CELF2: variants seen among roughly 807,000 people sequenced by gnomAD.
CELF2 encodes the protein CUGBP Elav-like family member 2.
Under a neutral mutation model 62.6 loss-of-function variants are expected in CELF2, and 8 were observed. The observed-to-expected ratio is 0.13, with a 90% CI of 0.07 to 0.23. CELF2 has a LOEUF of 0.23. CELF2 is among the 10% of genes least tolerant of loss of function. The pLI is 1.00. For missense variants in CELF2, 333 were observed against 671.0 expected (o/e 0.50, Z 5.56); for synonymous variants, 258 against 250.0 (o/e 1.03, Z -0.30).
chr10:11,179,192 T>C (rs1004525133), intron 2 of CELF2, among the ~76,000 whole-genome samples: 5 of 152,180 alleles, frequency 3.3e-5, no homozygotes, highest in Non-Finnish European at 5.9e-5. Context: ...AGCCCTAATA[T>C]TGTAAATGGA....
upstream of CELF2, among the ~76,000 whole-genome samples, chr10:11,016,359 G>A (rs2057257251): frequency 6.6e-6 from 1 of 152,130 alleles, no homozygotes; most frequent in Non-Finnish European, 1.5e-5. The surrounding 1 kb of genome is among the most constrained non-coding windows in gnomAD (Gnocchi z 5.2). Context: ...AAAAATTAAG[G>A]TTAGTTTAGC....
Position 10,924,280 on chromosome 10 carries a change from C to CAAAA in CELF2, c.89+4281_89+4282insAAAA, listed in dbSNP as rs1564827054. Among the ~76,000 whole-genome samples, 2 of 52,654 alleles carry CAAAA rather than the reference C, an allele frequency of 3.8e-5. 1 individual carries two copies. The highest frequency in any genetic ancestry group is 1.0e-4 in the African/African-American group (2 of 19,146). 34.5% of individuals were successfully genotyped at this position (52,654 alleles called of 152,430 possible). A position where few individuals can be genotyped will look rare whatever the true frequency, so the allele number is the denominator to read the frequency against. On this transcript the variant is annotated intron_variant, in intron 2 of 13. Transcript: ENST00000636488. The stretch of plus-strand genomic sequence containing the variant: ...CTGGGCAACACAGCGAGACTCCGTC[C>CAAAA]CAAAAAAAAAAAAAAAAAAAAAAAA...
intron 1 of CELF2, among the ~76,000 whole-genome samples, chr10:11,126,409 A>G (rs895766958): frequency 1.3e-5 from 2 of 152,210 alleles, no homozygotes; most frequent in African/African-American, 4.8e-5. Flanking sequence ...AACTAGGAAG[A>G]AGAGAGGGGT....
chr10:11,082,474 G>A (rs749996869), intron 1 of CELF2, among the ~76,000 whole-genome samples: 4 of 152,170 alleles, frequency 2.6e-5, no homozygotes, highest in Non-Finnish European at 5.9e-5. Flanking sequence ...AGGTGGCCCT[G>A]CAGGGCAGTA....
At chr10:11,327,110 G>C (rs1186131179) in intron 12 of CELF2, among the ~76,000 whole-genome samples, 3 of 151,650 alleles carry the variant, frequency 2.0e-5, no homozygotes, top group African/African-American at 7.3e-5. Context: ...GCTGTCAGTC[G>C]GGACCCATTC....
At chr10:10,825,376 A>AT (rs1468113198) in intron 1 of CELF2, among the ~76,000 whole-genome samples, 1 of 150,858 alleles carries the variant, frequency 6.6e-6, no homozygotes, top group South Asian at 2.1e-4. Context: ...AGCCCAGCTA[A>AT]TTTTTTGTAT....
intron 1 of CELF2, among the ~76,000 whole-genome samples, chr10:10,880,596 C>T (rs2061384619): frequency 6.6e-6 from 1 of 152,060 alleles, no homozygotes; most frequent in East Asian, 1.9e-4. Flanking sequence ...ATATGTTGAG[C>T]ATATGGATTT....
At position 11,311,714 on chromosome 10, in the gene CELF2, T is replaced by C. The variant is rs528620984; in HGVS notation, c.977-2425T>C. 6.6e-6 allele frequency among the ~76,000 whole-genome samples: 1 copy of C among 152,246 alleles called. No homozygotes were observed. The highest frequency in any genetic ancestry group is 1.9e-4 in the East Asian group (1 of 5,182). The stretch of plus-strand genomic sequence containing the variant: ...TGGAGATGTAAGTTTAGCGGAACAT[T>C]ACATACAATTGAAAGAGAATGTGGT... On this transcript the variant is annotated intron_variant, in intron 9 of 12. Transcript: ENST00000633077. The surrounding 1 kb of genome is among the most constrained non-coding windows in gnomAD (Gnocchi z 4.7).
rs775844851 is a variant in CELF2, at chr10:10,938,139, A to G, written c.89+18140A>G. ...AATACTGAATATGCAGAATTCAATC[A>G]TAGAAAACTAATCACTTTAGTGAAA... On this transcript the variant is annotated intron_variant, in intron 2 of 13. Transcript: ENST00000636488. This position sits in a 1 kb window ranked among gnomAD's most constrained non-coding sequence, Gnocchi z 4.2. Among the ~76,000 whole-genome samples the G allele has an allele frequency of 2.6e-5, 4 of 152,246 alleles. No homozygotes were observed. Among genetic ancestry groups the G allele is most frequent in the Non-Finnish European group, 5.9e-5 (4 of 68,042 alleles).
chr10:10,607,133 C>T, the CELF2 span, among the ~76,000 whole-genome samples: 1 of 152,154 alleles, frequency 6.6e-6, no homozygotes, highest in African/African-American at 2.4e-5. Context: ...TGTTTCCTTA[C>T]TCAGTTTATA....
intron 1 of CELF2, among the ~76,000 whole-genome samples, chr10:10,901,218 G>GT (rs2062915712): frequency 6.6e-6 from 1 of 152,108 alleles, no homozygotes; most frequent in Non-Finnish European, 1.5e-5. Flanking sequence ...ATCAAATAAC[G>GT]TTGACAGAGA....
the CELF2 span, among the ~76,000 whole-genome samples, chr10:10,514,462 C>T: frequency 1.3e-5 from 2 of 152,176 alleles, no homozygotes; most frequent in Non-Finnish European, 2.9e-5. Context: ...TCCCTGATCA[C>T]CAGGAACTTA....
At chr10:11,162,070 G>A (rs2065849485) in intron 1 of CELF2, among the ~76,000 whole-genome samples, 1 of 152,210 alleles carries the variant, frequency 6.6e-6, no homozygotes, top group South Asian at 2.1e-4. Context: ...AGCTGCGGCA[G>A]TACTGTGGGG....
the CELF2 span, among the ~76,000 whole-genome samples, chr10:10,568,553 G>C: frequency 2.0e-5 from 3 of 152,074 alleles, no homozygotes; most frequent in East Asian, 5.8e-4. Context: ...TCGTTTAGAG[G>C]AGCCAAGATA....
chr10:10,486,421 A>T, the CELF2 span, among the ~76,000 whole-genome samples: 1 of 152,140 alleles, frequency 6.6e-6, no homozygotes, highest in Non-Finnish European at 1.5e-5. Context: ...TTCTCTAATA[A>T]ATTGCATTTT....
chr10:10,526,568 T>C, the CELF2 span, among the ~76,000 whole-genome samples: 1 of 152,256 alleles, frequency 6.6e-6, no homozygotes, highest in African/African-American at 2.4e-5. Flanking sequence ...GGTCTAGACA[T>C]GTAAATTCAA....
rs1048737171 is a variant in CELF2 at position 10,957,625 on chromosome 10, G to T, written c.89+37626G>T. On this transcript the variant is annotated intron_variant, in intron 2 of 13. Coordinates refer to the CELF2 transcript ENST00000636488. The surrounding 1 kb of genome is among the most constrained non-coding windows in gnomAD (Gnocchi z 4.1). ...GGGCAACCTCTTACCTGAAGAACAC[G>T]TTCAGGATCACTTCTGTGCTCCCGA... Among the ~76,000 whole-genome samples the T allele has an allele frequency of 2.6e-5, 4 of 152,110 alleles. No individual in the cohort carries two copies. Among genetic ancestry groups the T allele is most frequent in the Non-Finnish European group, 5.9e-5 (4 of 68,014 alleles).
rs1210714967 is a variant in CELF2, at chr10:10,936,900, G to C, written c.89+16901G>C. Among the ~76,000 whole-genome samples, 1 of 152,066 alleles carries C rather than the reference G, an allele frequency of 6.6e-6. No homozygotes were observed. Among genetic ancestry groups the C allele is most frequent in the African/African-American group, 2.4e-5 (1 of 41,390 alleles). ...CTGTATTTCTGACAAGCTCCCACGG[G>C]GTTTCTGATGATTCTGGTCCTCAGA... is the stretch of plus-strand genomic sequence containing the variant. On this transcript the variant is annotated intron_variant, in intron 2 of 13. Coordinates refer to the CELF2 transcript ENST00000636488. This position sits in a 1 kb window ranked among gnomAD's most constrained non-coding sequence, Gnocchi z 4.0.
chr10:10,703,985 G>A, the CELF2 span, among the ~76,000 whole-genome samples: 1 of 152,204 alleles, frequency 6.6e-6, no homozygotes, highest in Non-Finnish European at 1.5e-5. Context: ...CTAAATGGCA[G>A]CCATGCAATG....
Sources: allele counts gnomAD v4.1 joint callset (sites outside exome capture counted in the v4.1 genomes callset), GRCh38; gene constraint gnomAD v4.1.1; non-coding constraint Gnocchi (gnomAD v3.1); transcripts MANE v1.5; gene names NCBI Gene and HGNC (gene_info 2026-07-23, HGNC 2026-07-21).